ANKRD26: variants seen among roughly 807,000 people sequenced by gnomAD.
ANKRD26 encodes the protein ankyrin repeat domain 26.
In ANKRD26, 141 loss-of-function variants were observed where a neutral mutation model predicts 208.7. The ratio of observed to expected loss-of-function variants is 0.68; its 90% confidence interval spans 0.59 to 0.78. The LOEUF (loss-of-function observed/expected upper bound fraction) is 0.78. Among genes scored for constraint, ANKRD26 ranks in the 30% least tolerant of loss-of-function variants. The probability of loss-of-function intolerance (pLI) is 0.00; values close to 1 mark genes in which losing one functional copy is unlikely to be tolerated. For synonymous variants in ANKRD26, 636 were observed against 660.4 expected (o/e 0.96, Z 0.57); for missense variants, 1,889 against 1,938.7 (o/e 0.97, Z 0.48).
Position 27,035,635 on chromosome 10 carries a change from C to CT in ANKRD26, c.2814dup (p.Glu939ArgfsTer6). 1 of 1,590,944 alleles carries CT rather than the reference C, an allele frequency of 6.3e-7. No homozygotes were observed. Among genetic ancestry groups the CT allele is most frequent in the Non-Finnish European group, 8.5e-7 (1 of 1,172,760 alleles). On this transcript the variant is annotated frameshift_variant, in exon 24 of 34. Coordinates refer to ENST00000376087, the MANE Select transcript of ANKRD26 (RefSeq NM_014915.3). LOFTEE classifies it high-confidence loss of function. Reference sequence around the variant, plus strand: ...TTAAGGTCCTCAAAACATTTCTTTTCTTTTTCCTGGTTTTGATTTTTTATT... The same window carrying CT: ...TTAAGGTCCTCAAAACATTTCTTTTCTTTTTTCCTGGTTTTGATTTTTTATT...
chr10:26,955,675 C>A, the ANKRD26 span, among the ~76,000 whole-genome samples: 1 of 152,066 alleles, frequency 6.6e-6, no homozygotes, highest in Non-Finnish European at 1.5e-5. Flanking sequence ...GGCAAAGTAG[C>A]CTTTAAATAA....
intron 26 of ANKRD26, 95 bp downstream of exon 26, chr10:27,029,191 T>G: frequency 4.3e-6 from 6 of 1,398,230 alleles, no homozygotes; most frequent in Non-Finnish European, 5.9e-6. Flanking sequence ...TTCACACAGA[T>G]GTACTTATGA....
chr10:27,010,350 A>C (rs1016358636), intron 32 of ANKRD26, among the ~76,000 whole-genome samples: 4 of 152,212 alleles, frequency 2.6e-5, no homozygotes, highest in Non-Finnish European at 5.9e-5. Flanking sequence ...AAGGAAAAAC[A>C]TTTCCTCAAA....
chr10:27,031,672 C>T (rs1258927434), intron 25 of ANKRD26, among the ~76,000 whole-genome samples: 2 of 152,040 alleles, frequency 1.3e-5, no homozygotes, highest in Non-Finnish European at 2.9e-5. Context: ...GAATTGTACA[C>T]CTTAAATGAG....
chr10:26,988,953 G>A (rs1434805998), downstream of ANKRD26, among the ~76,000 whole-genome samples: 1 of 151,926 alleles, frequency 6.6e-6, no homozygotes, highest in African/African-American at 2.4e-5. Context: ...CAAAGAATAT[G>A]GTGGTGGGGA....
In ANKRD26 at chr10:27,086,920, C is replaced by T. The variant is rs537032022; in HGVS notation, c.639-311G>A. Among the ~76,000 whole-genome samples, 43 of 151,854 alleles carry T rather than the reference C, an allele frequency of 2.8e-4. No individual in the cohort carries two copies. In the East Asian group the frequency reaches 5.4e-3, roughly 19 times the overall value. On this transcript the variant is annotated intron_variant, in intron 4 of 33. Coordinates refer to ENST00000376087, the MANE Select transcript of ANKRD26 (RefSeq NM_014915.3). The stretch of plus-strand genomic sequence containing the variant: ...CTGAATAGCTGGGATTACAGGTACC[C>T]GTCACTACGCTCAGCTAATTTTTTT...
downstream of ANKRD26, among the ~76,000 whole-genome samples, chr10:27,000,345 A>G (rs1289815248): frequency 6.6e-6 from 1 of 152,220 alleles, no homozygotes; most frequent in Non-Finnish European, 1.5e-5. Flanking sequence ...ATTGAAAAAT[A>G]TTGTTTCCCC....
At chr10:27,002,046 A>T (rs913449091), downstream of ANKRD26, among the ~76,000 whole-genome samples, 26 of 152,192 alleles carry the variant, frequency 1.7e-4, no homozygotes, top group Non-Finnish European at 5.9e-5. Context: ...TCAGGAGGCA[A>T]CCATACGGGG....
intron 32 of ANKRD26, among the ~76,000 whole-genome samples, chr10:27,010,566 G>C (rs574834639): frequency 2.6e-5 from 4 of 152,210 alleles, no homozygotes; most frequent in African/African-American, 9.6e-5. Context: ...CACGATCATA[G>C]CTCACTGTAG....
downstream of ANKRD26, among the ~76,000 whole-genome samples, chr10:26,990,753 T>C (rs2052471591): frequency 6.6e-6 from 1 of 152,164 alleles, no homozygotes; most frequent in Non-Finnish European, 1.5e-5. Context: ...GATTTAGACT[T>C]GGTCAAATAT....
chr10:27,023,911 G>A (rs993167493), intron 28 of ANKRD26, among the ~76,000 whole-genome samples: 1 of 150,076 alleles, frequency 6.7e-6, no homozygotes, highest in Non-Finnish European at 1.5e-5. Context: ...TTAATAACAT[G>A]TATACCTCAG....
the ANKRD26 span, among the ~76,000 whole-genome samples, chr10:26,955,428 CA>C: frequency 4.8e-3 from 676 of 140,484 alleles, 1 homozygote; most frequent in Non-Finnish European, 5.9e-3. Context: ...AACTCCATCT[CA>C]AAAAAAAAAA....
chr10:27,068,697 A>T (rs1376856966), intron 9 of ANKRD26, among the ~76,000 whole-genome samples: 1 of 152,178 alleles, frequency 6.6e-6, no homozygotes, highest in Non-Finnish European at 1.5e-5. Context: ...GTCAGTAAGC[A>T]GGTGAGTTAG....
chr10:26,975,920 G>A (rs2052220153), exon 6 of ANKRD26, among the ~76,000 whole-genome samples: 1 of 151,592 alleles, frequency 6.6e-6, no homozygotes, highest in South Asian at 2.1e-4. Context: ...TTTTAGTAAC[G>A]TAGGCATTAC....
intron 20 of ANKRD26, among the ~76,000 whole-genome samples, chr10:27,040,828 G>A (rs558000743): frequency 3.9e-5 from 6 of 152,096 alleles, no homozygotes; most frequent in Admixed American, 6.5e-5. Flanking sequence ...TTAGGAGTTC[G>A]AGACCAGTCT....
At chr10:27,044,520 G>GT (rs764984446) in intron 18 of ANKRD26, among the ~76,000 whole-genome samples, 1,892 of 143,534 alleles carry the variant, frequency 0.013, 15 homozygotes, top group Middle Eastern at 0.029. Context: ...AATATACCAG[G>GT]TTTTTTTTTT....
chr10:26,962,726 T>A, the ANKRD26 span, among the ~76,000 whole-genome samples: 1 of 151,988 alleles, frequency 6.6e-6, no homozygotes, highest in Non-Finnish European at 1.5e-5. Context: ...CCAGCCTGAG[T>A]GACAGAGCAA....
intron 25 of ANKRD26, among the ~76,000 whole-genome samples, chr10:27,030,879 A>G (rs1006166944): frequency 6.6e-6 from 1 of 152,234 alleles, no homozygotes; most frequent in Admixed American, 6.5e-5. Context: ...AATATTTTCA[A>G]TTTATACAAG....
rs367927114 is a variant in ANKRD26, at chr10:27,006,936, T to C, written c.4980A>G (p.Ile1660Met). 52 of 1,610,158 alleles carry C rather than the reference T, an allele frequency of 3.2e-5. No individual in the cohort carries two copies. The African/African-American group carries it at 6.7e-4, about 21-fold the overall frequency. ...ACATACCTTCTTTGAGTTCTCTAGT[T>C]ATATTTTTTTCCAACTCCTGCTGCA... The part of the protein sequence containing the change: ...SKMQQELEKN[I>M]TRELKEAAAE... Residue 1660 changes from isoleucine to methionine, a missense_variant, in exon 33 of 34, where the codon ATA becomes ATG. Physicochemically the swap from Ile to Met is conservative, Grantham distance 10. Coordinates refer to ENST00000376087, the MANE Select transcript of ANKRD26 (RefSeq NM_014915.3).
Sources: allele counts gnomAD v4.1 joint callset (sites outside exome capture counted in the v4.1 genomes callset), GRCh38; gene constraint gnomAD v4.1.1; transcripts MANE v1.5; gene names NCBI Gene and HGNC (gene_info 2026-07-23, HGNC 2026-07-21).